ITGA7: variants seen among roughly 807,000 people sequenced by gnomAD.
ITGA7 encodes the protein integrin subunit alpha 7, also known as integrin alpha-7.
A neutral mutation model predicts 131.6 loss-of-function variants in ITGA7; 84 were observed. That is an observed-to-expected ratio of 0.64 (90% confidence interval 0.54 to 0.77). The LOEUF (loss-of-function observed/expected upper bound fraction) is 0.77. Among genes scored for constraint, ITGA7 ranks in the 30% least tolerant of loss-of-function variants. ITGA7 has a pLI of 0.00. For missense variants in ITGA7, 1,399 were observed against 1,482.9 expected (o/e 0.94, Z 0.93); for synonymous variants, 548 against 600.7 (o/e 0.91, Z 1.28).
intron 21 of ITGA7, among the ~76,000 whole-genome samples, chr12:55,690,325 A>G (rs1438379874): frequency 2.6e-5 from 4 of 152,172 alleles, no homozygotes; most frequent in Admixed American, 2.6e-4. Flanking sequence ...ATGAACAGAT[A>G]CTTCTCAAAA....
chr12:55,706,981 T>C (rs1250426587), intron 1 of ITGA7, among the ~76,000 whole-genome samples: 1 of 152,246 alleles, frequency 6.6e-6, no homozygotes, highest in Non-Finnish European at 1.5e-5. Context: ...GGCCTTCCAG[T>C]GCCCTGCTGC....
intron 10 of ITGA7, 84 bp from the exon 11 acceptor site, chr12:55,697,361 A>G: frequency 6.3e-7 from 1 of 1,584,008 alleles, no homozygotes. Flanking sequence ...ACATCCTGTC[A>G]CAGCCCCAGC....
At chr12:55,695,739 AC>A in intron 13 of ITGA7, 102 bp from the exon 14 acceptor site, 1 of 797,022 alleles carries the variant, frequency 1.3e-6, no homozygotes, top group Non-Finnish European at 2.2e-6. Context: ...GGATTAAACA[AC>A]CTGTCCTCAA....
At chr12:55,688,731 A>T (rs1312096863) in intron 22 of ITGA7, 113 bp downstream of exon 22, 23 of 818,032 alleles carry the variant, frequency 2.8e-5, no homozygotes, top group Non-Finnish European at 4.3e-5. Context: ...TCAAAAAAAA[A>T]AAAAAGGGGG....
intron 7 of ITGA7, 41 bp downstream of exon 7, chr12:55,698,342 T>G: frequency 1.9e-6 from 3 of 1,546,906 alleles, no homozygotes; most frequent in South Asian, 1.2e-5. Context: ...ATCCCTCCTG[T>G]GGCCCCTCCC....
chr12:55,708,187 T>C (rs190849193), upstream of ITGA7, among the ~76,000 whole-genome samples: 2,075 of 151,182 alleles, frequency 0.014, 111 homozygotes, highest in Admixed American at 0.1. Context: ...GGGAGAGAAG[T>C]ACAGATAGAA....
intron 12 of ITGA7, 67 bp from the exon 13 acceptor site, chr12:55,696,499 GC>G: frequency 6.6e-7 from 1 of 1,515,232 alleles, no homozygotes; most frequent in Admixed American, 1.9e-5. Flanking sequence ...CAGTGCCCCA[GC>G]CAGACCTAGG....
In ITGA7 at chr12:55,701,061, G is replaced by A. The variant is rs913850889; in HGVS notation, c.508C>T (p.Leu170=). 5 of 1,614,110 alleles carry A rather than the reference G, an allele frequency of 3.1e-6. No homozygotes were observed. The Admixed American group carries it at 5.0e-5, about 16-fold the overall frequency. ...CCATCCAACTCATCCCGGATGGCCA[G>A]GTCCTGGCTGAGCACAAAGCAGCGA... ...IGRCFVLSQD[L]AIRDELDGGE... is the part of the protein sequence containing the mutation. The change falls in exon 4 of 25, where the codon CTG becomes TTG. Residue 170 remains leucine (L), a synonymous_variant. Transcript: ENST00000257879.
chr12:55,694,522 C>G lies in ITGA7; in HGVS notation c.2278G>C (p.Val760Leu). The change falls in exon 17 of 25, where the codon GTC becomes CTC. Residue 760 changes from valine (V) to leucine (L), a missense_variant and splice_region_variant. By Grantham distance (32) the Val-to-Leu change is conservative. Transcript: ENST00000257879. This position sits in a 1 kb window ranked among gnomAD's most constrained non-coding sequence, Gnocchi z 5.3. ...GTGCTAAGGATGAGGTAGAAGGTGACCTAGGCCAAGGGTGGAAAGAGATTA... is the reference window on the plus strand; with the variant it reads ...GTGCTAAGGATGAGGTAGAAGGTGAGCTAGGCCAAGGGTGGAAAGAGATTA... Reference protein sequence around the residue: ...LGNPMKRGAQVTFYLILSTSG... With the variant: ...LGNPMKRGAQLTFYLILSTSG... 1 of 1,614,144 alleles carries G rather than the reference C, an allele frequency of 6.2e-7. No homozygotes were observed. Among genetic ancestry groups the G allele is most frequent in the Non-Finnish European group, 8.5e-7 (1 of 1,180,012 alleles).
rs185298706 is a variant in ITGA7 at position 55,701,644 on chromosome 12, A to T, written c.415-490T>A. 4.6e-5 allele frequency among the ~76,000 whole-genome samples: 7 copies of T among 151,704 alleles called. No homozygotes were observed. The East Asian group carries it at 1.4e-3, about 29-fold the overall frequency. ...CACCCAGGCTGGAGTGCAGTGGCAC[A>T]ATCATGGCTCACTGCAGCCTCGACC... On this transcript the variant is annotated intron_variant, in intron 3 of 24. Transcript: ENST00000257879.
At chr12:55,690,499 T>G (rs1417142463) in intron 21 of ITGA7, among the ~76,000 whole-genome samples, 1 of 148,736 alleles carries the variant, frequency 6.7e-6, no homozygotes, top group Non-Finnish European at 1.5e-5. Flanking sequence ...TGTGGAGAAA[T>G]AGGAACACTT....
At chr12:55,712,135 C>G (rs966648738), upstream of ITGA7, 1 of 1,551,386 alleles carries the variant, frequency 6.4e-7, no homozygotes, top group Non-Finnish European at 8.7e-7. Context: ...ATGGGAGTGG[C>G]TGGGAGGAAA....
At chr12:55,700,096 G>A (rs1873639199) in intron 4 of ITGA7, 107 bp from the exon 5 acceptor site, 2 of 1,473,932 alleles carry the variant, frequency 1.4e-6, no homozygotes, top group African/African-American at 1.4e-5. Flanking sequence ...AGAAGAAGAG[G>A]TGGAGAGAGA....
chr12:55,688,879 C>G lies in ITGA7; in HGVS notation c.2923G>C (p.Val975Leu). ...GTGCTGTTCCAGAGACGGCCCCAGA[C>G]ATGCAGCACAGCCGCGCGGTCAAAG... ...YSFDRAAVLHVWGRLWNSTFL... is the reference protein window; with the variant it reads ...YSFDRAAVLHLWGRLWNSTFL... Residue 975 changes from valine to leucine, a missense_variant, in exon 22 of 25, where the codon GTC (valine) becomes CTC (leucine). By Grantham distance (32) the Val-to-Leu change is conservative. Coordinates refer to ENST00000257879, the MANE Select transcript of ITGA7 (RefSeq NM_002206.3). 1 of 1,614,076 alleles carries G rather than the reference C, an allele frequency of 6.2e-7. No homozygotes were observed.
In ITGA7 at chr12:55,696,386, T is replaced by C; in HGVS notation, c.1784A>G (p.Tyr595Cys). 2 of 1,599,834 alleles carry C rather than the reference T, an allele frequency of 1.3e-6. No homozygotes were observed. Among genetic ancestry groups the C allele is most frequent in the Non-Finnish European group, 1.7e-6 (2 of 1,172,002 alleles). Residue 595 changes from tyrosine (Y) to cysteine (C), a missense_variant, in exon 13 of 25, where the codon TAC (tyrosine) becomes TGC (cysteine). Tyr to Cys is a radical substitution (Grantham distance 194, BLOSUM62 -2). Coordinates refer to ENST00000257879, the MANE Select transcript of ITGA7 (RefSeq NM_002206.3). ...KLRAIVVTLSYSLQTPRLRRQ... is the reference protein window; with the variant it reads ...KLRAIVVTLSCSLQTPRLRRQ... ...CCGGAGCCGAGGGGTCTGGAGACTG[T>C]AGGACAAGGTCACTACAATGGCCCG...
At chr12:55,697,631 C>A in intron 9 of ITGA7, 64 bp downstream of exon 9, 1 of 1,612,956 alleles carries the variant, frequency 6.2e-7, no homozygotes, top group Non-Finnish European at 8.5e-7. Flanking sequence ...GCACTGAGGT[C>A]GGGGTCAGAG....
At position 55,694,630 on chromosome 12, in the gene ITGA7, C is replaced by T. The variant is rs1872228056; in HGVS notation, c.2262G>A (p.Met754Ile). The change falls in exon 16 of 25, where the codon ATG becomes ATA. Residue 754 changes from methionine (M) to isoleucine (I), a missense_variant. By Grantham distance (10) the Met-to-Ile change is conservative. Transcript: ENST00000257879. The surrounding 1 kb of genome is among the most constrained non-coding windows in gnomAD (Gnocchi z 5.3). ...SHVECELGNP[M>I]KRGAQVTFYL... ...ATGTGCCAACCTGGGCACCTCTCTT[C>T]ATGGGGTTCCCCAGCTCACACTCAA... 1.2e-6 allele frequency: 2 copies of T among 1,614,058 alleles called. No homozygotes were observed. Among genetic ancestry groups the T allele is most frequent in the Non-Finnish European group, 1.7e-6 (2 of 1,180,018 alleles).
At chr12:55,716,026 C>T, upstream of ITGA7, 1 of 1,534,176 alleles carries the variant, frequency 6.5e-7, no homozygotes, top group South Asian at 1.2e-5. Context: ...GGTTCCCAAC[C>T]TCACGTGACA....
chr12:55,701,046 C>T lies in ITGA7; in HGVS notation c.523G>A (p.Glu175Lys). ...VLSQDLAIRD[E>K]LDGGEWKFCE... ...AACTTCCATTCCCCACCATCCAACT[C>T]ATCCCGGATGGCCAGGTCCTGGCTG... The change falls in exon 4 of 25, where the codon GAG (glutamate) becomes AAG (lysine). Residue 175 changes from glutamate (E) to lysine (K), a missense_variant. Transcript: ENST00000257879. 6.2e-7 allele frequency: 1 copy of T among 1,614,232 alleles called. No homozygotes were observed.
Sources: gnomAD v4.1 joint callset for allele counts (sites outside exome capture counted in the v4.1 genomes callset) on GRCh38, gnomAD v4.1.1 for gene constraint, Gnocchi (gnomAD v3.1) non-coding constraint, MANE v1.5 for transcripts, NCBI Gene and HGNC (gene_info 2026-07-23, HGNC 2026-07-21) for gene names.